The following TNIK variants were observed in gnomAD, a reference collection of about 807,000 sequenced individuals.
The protein encoded by TNIK is TRAF2 and NCK interacting kinase.
In TNIK, 49 loss-of-function variants were observed where a neutral mutation model predicts 191.3. The ratio of observed to expected loss-of-function variants is 0.26; its 90% CI spans 0.20 to 0.32. The LOEUF (loss-of-function observed/expected upper bound fraction) is 0.32. Ranked by LOEUF, TNIK falls within the 10% of genes least tolerant of loss-of-function variation. TNIK has a pLI of 1.00. For missense variants in TNIK, 1,155 were observed against 1,702.3 expected (o/e 0.68, Z 5.66); for synonymous variants, 594 against 600.9 (o/e 0.99, Z 0.17).
rs150017569 is a variant in TNIK at position 171,362,189 on chromosome 3, C to T, written c.123+7431G>A. Among the ~76,000 whole-genome samples the T allele has an allele frequency of 4.8e-3, 734 of 152,288 alleles. 4 individuals are homozygous for T. The highest frequency in any genetic ancestry group is 0.017 in the African/African-American group (698 of 41,568). ...AACTGATTCCTGTTTCCTCTATTAA[C>T]CTATCTTCTCTTTACACATTATTGA... On this transcript the variant is annotated intron_variant, in intron 2 of 32. Transcript: ENST00000436636.
intron 1 of TNIK, among the ~76,000 whole-genome samples, chr3:171,370,638 G>T (rs1043867548): frequency 5.3e-5 from 8 of 152,126 alleles, no homozygotes; most frequent in Non-Finnish European, 1.2e-4. Context: ...GGTCCAGTTG[G>T]GGCCTGTGGC....
At chr3:171,436,712 G>A (rs1250727110) in intron 1 of TNIK, among the ~76,000 whole-genome samples, 12 of 152,170 alleles carry the variant, frequency 7.9e-5, no homozygotes, top group African/African-American at 2.7e-4. Flanking sequence ...TGCCAAAAAC[G>A]TTCTGGCTAA....
At chr3:171,133,273 A>C (rs902426757) in intron 15 of TNIK, among the ~76,000 whole-genome samples, 3 of 152,178 alleles carry the variant, frequency 2.0e-5, no homozygotes. Context: ...AATGAAGCAA[A>C]ATCTTAGAAA....
At chr3:171,201,006 AG>A (rs1158801197) in intron 4 of TNIK, among the ~76,000 whole-genome samples, 1 of 152,116 alleles carries the variant, frequency 6.6e-6, no homozygotes, top group Non-Finnish European at 1.5e-5. Context: ...TGGTAAAAGG[AG>A]GGGTTGGAGG....
intron 1 of TNIK, among the ~76,000 whole-genome samples, chr3:171,370,329 T>A (rs1195062733): frequency 6.6e-6 from 1 of 152,224 alleles, no homozygotes; most frequent in Non-Finnish European, 1.5e-5. Flanking sequence ...GAATGCAAAC[T>A]AAATTGGAGA....
chr3:171,204,863 A>G (rs1477276967), intron 4 of TNIK, among the ~76,000 whole-genome samples: 2 of 152,170 alleles, frequency 1.3e-5, no homozygotes, highest in Non-Finnish European at 2.9e-5. Context: ...TGATTCTGGA[A>G]TCAGACAGCT....
intron 1 of TNIK, among the ~76,000 whole-genome samples, chr3:171,381,081 A>C (rs902955): frequency 0.74 from 112,075 of 151,882 alleles, 41,590 homozygotes; most frequent in East Asian, 0.94. Context: ...AAGCTTTTAT[A>C]TCTATGGCTA....
At chr3:171,253,346 C>G (rs1007288037) in intron 2 of TNIK, among the ~76,000 whole-genome samples, 3 of 151,970 alleles carry the variant, frequency 2.0e-5, no homozygotes, top group African/African-American at 7.2e-5. Context: ...AAAGCTGTCC[C>G]TCTTGCAGCC....
intron 5 of TNIK, among the ~76,000 whole-genome samples, chr3:171,191,267 A>C (rs1738030142): frequency 6.6e-6 from 1 of 152,242 alleles, no homozygotes; most frequent in Admixed American, 6.5e-5. Context: ...TGATTGACTG[A>C]GACAGAGCCT....
At chr3:171,233,273 C>A (rs866263821) in intron 2 of TNIK, among the ~76,000 whole-genome samples, 1 of 151,928 alleles carries the variant, frequency 6.6e-6, no homozygotes, top group African/African-American at 2.4e-5. Flanking sequence ...GAATACTATC[C>A]CAACCCCACT....
chr3:171,411,389 C>T (rs1577836292), intron 1 of TNIK, among the ~76,000 whole-genome samples: 1 of 152,014 alleles, frequency 6.6e-6, no homozygotes, highest in East Asian at 1.9e-4. Context: ...TGCTATCTTC[C>T]AAGTTTGGGG....
At chr3:171,376,449 TACTGTGTGTTATAC>T (rs1322956177) in intron 1 of TNIK, among the ~76,000 whole-genome samples, 1 of 152,210 alleles carries the variant, frequency 6.6e-6, no homozygotes, top group African/African-American at 2.4e-5. Flanking sequence ...CCTCGCCACC[TACTGTGTGTTATAC>T]ACTGTCCAAG....
At chr3:171,183,055 G>A (rs1736861040) in intron 7 of TNIK, among the ~76,000 whole-genome samples, 1 of 152,216 alleles carries the variant, frequency 6.6e-6, no homozygotes, top group Non-Finnish European at 1.5e-5. Flanking sequence ...CTTAGGACCA[G>A]ATATCATCAA....
At chr3:171,342,996 T>C (rs566503920) in intron 2 of TNIK, among the ~76,000 whole-genome samples, 19 of 152,338 alleles carry the variant, frequency 1.2e-4, no homozygotes, top group Non-Finnish European at 1.9e-4. Flanking sequence ...GCTCCTCCTT[T>C]GCCTTCCACC....
At chr3:171,332,756 A>G (rs1355096059) in intron 2 of TNIK, among the ~76,000 whole-genome samples, 1 of 152,250 alleles carries the variant, frequency 6.6e-6, no homozygotes, top group African/African-American at 2.4e-5. Flanking sequence ...GGCTAGACAC[A>G]TAAAAGAATG....
Position 171,377,383 on chromosome 3 carries a change from C to A in TNIK, c.58-7698G>T, listed in dbSNP as rs1161554790. 2.0e-5 allele frequency among the ~76,000 whole-genome samples: 3 copies of A among 152,340 alleles called. 1 individual carries two copies. In the South Asian group the frequency reaches 6.2e-4, roughly 32 times the overall value. The stretch of plus-strand genomic sequence containing the variant: ...TGACACTGCTTTAGATCACCCTCCC[C>A]GCTCAGCTGCTTCACTCAAGACCCT... On this transcript the variant is annotated intron_variant, in intron 1 of 32. Transcript: ENST00000436636.
intron 28 of TNIK, among the ~76,000 whole-genome samples, chr3:171,075,497 T>A (rs1462715348): frequency 6.6e-6 from 1 of 152,344 alleles, no homozygotes; most frequent in East Asian, 1.9e-4. Context: ...AACAAAAATG[T>A]ACAGTGGAGC....
chr3:171,080,463 TTTCACTTTTGTCGC>T (rs1451769394), intron 27 of TNIK, among the ~76,000 whole-genome samples: 1 of 151,862 alleles, frequency 6.6e-6, no homozygotes, highest in Admixed American at 6.6e-5. Flanking sequence ...GAGACATGAG[TTTCACTTTTGTCGC>T]CAAGGCCGGA....
chr3:171,329,089 T>TAC (rs140745534), intron 2 of TNIK, among the ~76,000 whole-genome samples: 53 of 151,948 alleles, frequency 3.5e-4, no homozygotes, highest in African/African-American at 1.0e-3. Context: ...CCTTGCTATA[T>TAC]ACACACACAC....
Sources: allele counts gnomAD v4.1 joint callset (sites outside exome capture counted in the v4.1 genomes callset), GRCh38; gene constraint gnomAD v4.1.1; transcripts MANE v1.5; gene names NCBI Gene and HGNC (gene_info 2026-07-23, HGNC 2026-07-21).